Variants in DTNA observed in about 807,000 individuals in gnomAD.
DTNA encodes dystrophin-related protein 3.
DTNA carries 43 observed loss-of-function variants against 100.7 expected under a neutral mutation model. The ratio of observed to expected loss-of-function variants is 0.43; its 90% CI spans 0.33 to 0.55. The LOEUF (loss-of-function observed/expected upper bound fraction) is 0.55. Ranked by LOEUF, DTNA falls within the 20% of genes least tolerant of loss-of-function variation. The pLI, the probability that DTNA is intolerant of heterozygous loss-of-function variation, is 0.04. For missense variants in DTNA, 798 were observed against 953.9 expected (o/e 0.84, Z 2.15); for synonymous variants, 349 against 347.9 (o/e 1.00, Z -0.04).
chr18:34,800,938 G>C (rs2095184636), intron 4 of DTNA, among the ~76,000 whole-genome samples: 1 of 152,106 alleles, frequency 6.6e-6, no homozygotes, highest in African/African-American at 2.4e-5. Context: ...AAATCAGTAT[G>C]TCTCTTTATA....
At chr18:34,822,732 C>T (rs780067691) in intron 9 of DTNA, among the ~76,000 whole-genome samples, 3 of 152,006 alleles carry the variant, frequency 2.0e-5, no homozygotes, top group South Asian at 2.1e-4. Flanking sequence ...TTTTGACTTA[C>T]GGGGCAATAT....
At chr18:34,623,462 C>T (rs1276813870) in intron 1 of DTNA, among the ~76,000 whole-genome samples, 1 of 152,140 alleles carries the variant, frequency 6.6e-6, no homozygotes, top group Non-Finnish European at 1.5e-5. Context: ...TGTACAAAGT[C>T]ACTTTATCTT....
chr18:34,680,870 C>T (rs1359504348), intron 1 of DTNA, among the ~76,000 whole-genome samples: 1 of 152,100 alleles, frequency 6.6e-6, no homozygotes. Flanking sequence ...ACCTTCAGGG[C>T]CATTCCTTGC....
intron 1 of DTNA, among the ~76,000 whole-genome samples, chr18:34,747,314 C>T (rs1165663452): frequency 6.6e-6 from 1 of 152,014 alleles, no homozygotes; most frequent in Non-Finnish European, 1.5e-5. Flanking sequence ...AGCCATGAAT[C>T]GGATGCACTT....
At chr18:34,770,915 T>TG (rs1452413667) in intron 3 of DTNA, among the ~76,000 whole-genome samples, 1 of 151,664 alleles carries the variant, frequency 6.6e-6, no homozygotes, top group African/African-American at 2.4e-5. Context: ...CCCAAGTAGC[T>TG]GGGATTACAG....
At chr18:34,867,500 G>A in intron 17 of DTNA, 3 of 1,195,884 alleles carry the variant, frequency 2.5e-6, no homozygotes, top group Non-Finnish European at 3.1e-6. Context: ...CTTAGATCAT[G>A]GTAAAGAAAA....
chr18:34,704,641 T>C (rs1198806021), intron 1 of DTNA, among the ~76,000 whole-genome samples: 3 of 152,214 alleles, frequency 2.0e-5, no homozygotes, highest in Non-Finnish European at 4.4e-5. Flanking sequence ...CCCATCTAGA[T>C]TGTAGGCCAT....
intron 1 of DTNA, among the ~76,000 whole-genome samples, chr18:34,745,423 A>G (rs1047459136): frequency 2.0e-5 from 3 of 152,062 alleles, no homozygotes; most frequent in South Asian, 4.1e-4. Flanking sequence ...GGGAGGATCT[A>G]TTTCTTTCTA....
intron 1 of DTNA, among the ~76,000 whole-genome samples, chr18:34,598,307 T>G (rs1412118653): frequency 6.6e-6 from 1 of 151,962 alleles, no homozygotes. Context: ...CTGTTTATTA[T>G]CAGAGAGATT....
At chr18:34,814,432 A>G (rs1375784044) in intron 6 of DTNA, among the ~76,000 whole-genome samples, 1 of 152,048 alleles carries the variant, frequency 6.6e-6, no homozygotes, top group African/African-American at 2.4e-5. Flanking sequence ...TCACACAGTA[A>G]TCCTAGCACT....
chr18:34,879,722 G>T lies in DTNA; in HGVS notation c.2162+3G>T. 3 of 1,613,984 alleles carry T rather than the reference G, an allele frequency of 1.9e-6. No individual in the cohort carries two copies. The highest frequency in any genetic ancestry group is 2.5e-6 in the Non-Finnish European group (3 of 1,179,962). On this transcript the variant is annotated splice_donor_region_variant and intron_variant, in intron 20 of 22. Coordinates refer to ENST00000444659, the MANE Select transcript of DTNA (RefSeq NM_001386795.1). ...ACAAGTACCATGCGTGGCGACATGT[G>T]AGTATCTTCCGCTTGGAAGCATTTT...
At chr18:34,598,772 A>G (rs2051166968) in intron 1 of DTNA, among the ~76,000 whole-genome samples, 1 of 152,094 alleles carries the variant, frequency 6.6e-6, no homozygotes, top group Non-Finnish European at 1.5e-5. Flanking sequence ...AGGCTGAGGC[A>G]GGAGAATGGC....
chr18:34,801,896 A>G (rs2095228097), intron 4 of DTNA, among the ~76,000 whole-genome samples: 1 of 152,206 alleles, frequency 6.6e-6, no homozygotes, highest in African/African-American at 2.4e-5. Context: ...AATTAACTGT[A>G]CTAGCAGCCT....
chr18:34,586,905 G>T (rs1407848157), intron 1 of DTNA, among the ~76,000 whole-genome samples: 1 of 151,974 alleles, frequency 6.6e-6, no homozygotes, highest in Admixed American at 6.6e-5. Flanking sequence ...AGTTGACTTT[G>T]GTTCCACAAA....
chr18:34,854,341 T>C (rs934787982), intron 15 of DTNA, among the ~76,000 whole-genome samples: 4 of 152,222 alleles, frequency 2.6e-5, no homozygotes, highest in African/African-American at 9.7e-5. Flanking sequence ...AGAATTGGAA[T>C]GTAAAGCAGT....
At chr18:34,535,495 A>C (rs929861963) in intron 1 of DTNA, among the ~76,000 whole-genome samples, 2 of 151,742 alleles carry the variant, frequency 1.3e-5, no homozygotes, top group African/African-American at 4.9e-5. Context: ...TCTTTAGTTT[A>C]ATTAGATCCC....
intron 3 of DTNA, among the ~76,000 whole-genome samples, chr18:34,773,087 C>T (rs191446320): frequency 5.3e-5 from 8 of 152,316 alleles, no homozygotes; most frequent in Admixed American, 6.5e-5. Flanking sequence ...TCTCTGACTT[C>T]CCCATTTATG....
At chr18:34,881,082 T>C (rs997782510) in intron 20 of DTNA, among the ~76,000 whole-genome samples, 1 of 152,196 alleles carries the variant, frequency 6.6e-6, no homozygotes, top group Non-Finnish European at 1.5e-5. Flanking sequence ...GGAAGGAAAG[T>C]TAACAGAGTC....
intron 1 of DTNA, among the ~76,000 whole-genome samples, chr18:34,502,274 G>C (rs940726053): frequency 1.3e-5 from 2 of 152,016 alleles, no homozygotes; most frequent in Admixed American, 1.3e-4. Flanking sequence ...TGTCAGTTTT[G>C]CTAGAGGATT....
Sources: allele counts gnomAD v4.1 joint callset (sites outside exome capture counted in the v4.1 genomes callset), GRCh38; gene constraint gnomAD v4.1.1; transcripts MANE v1.5; gene names NCBI Gene and HGNC (gene_info 2026-07-23, HGNC 2026-07-21).